Variants in CCBE1 observed in about 807,000 individuals in gnomAD.
CCBE1 encodes collagen and calcium binding EGF domains 1.
A neutral mutation model predicts 50.0 loss-of-function variants in CCBE1; 37 were observed. The ratio of observed to expected loss-of-function variants is 0.74; its 90% CI spans 0.57 to 0.97. The LOEUF is 0.97. Ranked by LOEUF, CCBE1 falls within the 50% of genes least tolerant of loss-of-function variation. CCBE1 has a pLI of 0.00. For missense variants in CCBE1, 538 were observed against 523.8 expected, an observed-to-expected ratio of 1.03 and a Z score of -0.26; for synonymous variants, 234 against 203.7, an observed-to-expected ratio of 1.15 and a Z score of -1.27.
At position 59,436,061 on chromosome 18, in the gene CCBE1, C is replaced by T; in HGVS notation, c.1068G>A (p.Val356=). The T allele has an allele frequency of 1.2e-6, 2 of 1,614,200 alleles. No individual in the cohort carries two copies. The highest frequency in any genetic ancestry group is 1.7e-6 in the Non-Finnish European group (2 of 1,180,032). The change falls in exon 11 of 11, where the codon GTG becomes GTA. Residue 356 remains valine, a synonymous_variant. Transcript: ENST00000439986. ...RNDITELQEK[V]FGHRTHSSAE... ...CTGAAGAGTGAGTCCGGTGCCCGAA[C>T]ACCTTTTCCTGCAGCTCAGTGATGT...
At chr18:59,562,572 C>T (rs753232154) in intron 2 of CCBE1, among the ~76,000 whole-genome samples, 6 of 152,208 alleles carry the variant, frequency 3.9e-5, no homozygotes, top group Non-Finnish European at 8.8e-5. Context: ...CTGCTTTCTA[C>T]CCGAGTTACT....
intron 2 of CCBE1, among the ~76,000 whole-genome samples, chr18:59,590,510 A>AG (rs1191267564): frequency 2.6e-5 from 4 of 152,268 alleles, no homozygotes; most frequent in African/African-American, 9.6e-5. Context: ...TTATGGAGCT[A>AG]GGCATGATGA....
chr18:59,636,023 G>A (rs1003409687), intron 2 of CCBE1, among the ~76,000 whole-genome samples: 3 of 151,944 alleles, frequency 2.0e-5, no homozygotes, highest in African/African-American at 4.8e-5. Context: ...TTAGCTGGTG[G>A]GCACCTGTAG....
chr18:59,508,231 G>A (rs548476893), intron 2 of CCBE1, among the ~76,000 whole-genome samples: 1 of 151,948 alleles, frequency 6.6e-6, no homozygotes, highest in South Asian at 2.1e-4. Context: ...ATATAGTACA[G>A]TGACTAAGAG....
intron 2 of CCBE1, among the ~76,000 whole-genome samples, chr18:59,562,518 C>CA (rs1373916977): frequency 6.6e-6 from 1 of 152,198 alleles, no homozygotes; most frequent in African/African-American, 2.4e-5. Flanking sequence ...TGATTTCCTA[C>CA]ACTCCATCTC....
chr18:59,596,264 C>T (rs2053349494), intron 2 of CCBE1, among the ~76,000 whole-genome samples: 1 of 152,114 alleles, frequency 6.6e-6, no homozygotes, highest in African/African-American at 2.4e-5. Flanking sequence ...ACGTAAAGTA[C>T]CAATGTCAGG....
intron 2 of CCBE1, among the ~76,000 whole-genome samples, chr18:59,536,965 C>T (rs1413264253): frequency 7.1e-6 from 1 of 141,448 alleles, no homozygotes; most frequent in African/African-American, 2.7e-5. Flanking sequence ...GCACTCCAGA[C>T]TGGCAACAGA....
chr18:59,649,299 T>C (rs1353777413), intron 2 of CCBE1, among the ~76,000 whole-genome samples: 3 of 152,206 alleles, frequency 2.0e-5, no homozygotes. Context: ...CCATCAGTTT[T>C]GTGAGCACAG....
chr18:59,675,004 C>T (rs974162162), intron 2 of CCBE1, among the ~76,000 whole-genome samples: 4 of 152,220 alleles, frequency 2.6e-5, no homozygotes, highest in African/African-American at 9.6e-5. Flanking sequence ...AAGACTATCA[C>T]TGGCACTCTC....
intron 2 of CCBE1, among the ~76,000 whole-genome samples, chr18:59,671,828 G>T (rs915792217): frequency 2.7e-5 from 4 of 149,422 alleles, no homozygotes; most frequent in Non-Finnish European, 5.9e-5. Flanking sequence ...AAAAGGGGGG[G>T]GGTAGTCAGT....
At chr18:59,456,253 G>C (rs2143680347) in intron 5 of CCBE1, among the ~76,000 whole-genome samples, 1 of 152,328 alleles carries the variant, frequency 6.6e-6, no homozygotes. Context: ...CGTAATGGAT[G>C]CTCGAAAAAT....
chr18:59,585,118 C>A (rs2053159242), intron 2 of CCBE1, among the ~76,000 whole-genome samples: 1 of 152,092 alleles, frequency 6.6e-6, no homozygotes, highest in Non-Finnish European at 1.5e-5. Flanking sequence ...AGCAGCCCGC[C>A]ATGTTCCTTC....
At chr18:59,456,295 G>T (rs1398540260) in intron 5 of CCBE1, among the ~76,000 whole-genome samples, 1 of 152,222 alleles carries the variant, frequency 6.6e-6, no homozygotes, top group Non-Finnish European at 1.5e-5. Flanking sequence ...AGGTTGAATT[G>T]TGTCCTGATT....
chr18:59,584,630 C>T (rs12150746), intron 2 of CCBE1, among the ~76,000 whole-genome samples: 4 of 151,962 alleles, frequency 2.6e-5, no homozygotes, highest in Admixed American at 6.6e-5. Context: ...AGAGTTCTTG[C>T]GAGATCTGGT....
At chr18:59,439,471 C>A (rs922450293) in intron 9 of CCBE1, 72 bp downstream of exon 9, 11 of 1,590,322 alleles carry the variant, frequency 6.9e-6, no homozygotes, top group South Asian at 1.1e-5. Context: ...TCTCAAAAAA[C>A]AAAAACAAAA....
In CCBE1 at chr18:59,436,057, C is replaced by T. The variant is rs755276492; in HGVS notation, c.1072G>A (p.Gly358Arg). The T allele has an allele frequency of 2.5e-5, 41 of 1,614,034 alleles. No homozygotes were observed. Among genetic ancestry groups the T allele is most frequent in the Non-Finnish European group, 2.7e-5 (32 of 1,180,040 alleles). The part of the protein sequence containing the change: ...DITELQEKVF[G>R]HRTHSSAEEF... Reference sequence around the variant, plus strand: ...TCTGCTGAAGAGTGAGTCCGGTGCCCGAACACCTTTTCCTGCAGCTCAGTG... The same window carrying T: ...TCTGCTGAAGAGTGAGTCCGGTGCCTGAACACCTTTTCCTGCAGCTCAGTG... Residue 358 changes from glycine to arginine, a missense_variant, in exon 11 of 11, where the codon GGG becomes AGG. Coordinates refer to ENST00000439986, the MANE Select transcript of CCBE1 (RefSeq NM_133459.4).
At chr18:59,696,482 TCGCACCGCGCGGCA>T in intron 2 of CCBE1, 133 bp downstream of exon 2, 1 of 1,517,440 alleles carries the variant, frequency 6.6e-7, no homozygotes, top group East Asian at 2.4e-5. Flanking sequence ...CCTCAAAGAT[TCGCACCGCGCGGCA>T]CGCACCCAGC....
chr18:59,568,498 T>C (rs1320933451), intron 2 of CCBE1: 2 of 152,240 alleles, frequency 1.3e-5, no homozygotes, highest in African/African-American at 4.8e-5. Flanking sequence ...TTTACTTTTC[T>C]ACTTAGCAAG....
At chr18:59,591,461 A>G (rs2053268420) in intron 2 of CCBE1, among the ~76,000 whole-genome samples, 1 of 152,180 alleles carries the variant, frequency 6.6e-6, no homozygotes, top group Admixed American at 6.5e-5. Flanking sequence ...TATCCCTAAT[A>G]TGTATTAATA....
Sources: allele counts gnomAD v4.1 joint callset (sites outside exome capture counted in the v4.1 genomes callset), GRCh38; gene constraint gnomAD v4.1.1; transcripts MANE v1.5; gene names NCBI Gene and HGNC (gene_info 2026-07-23, HGNC 2026-07-21).